The following GPR20 variants were observed in gnomAD, a reference collection of about 807,000 sequenced individuals.
The protein encoded by GPR20 is CTD-3064M3.3.
For missense variants in GPR20, 494 were observed against 527.4 expected (o/e 0.94, Z 0.62); for synonymous variants, 241 against 241.9 (o/e 1.00, Z 0.04).
At chr8:141,358,049 A>G in intron 1 of GPR20, 102 bp from the exon 2 acceptor site, 1 of 628,742 alleles carries the variant, frequency 1.6e-6, no homozygotes, top group East Asian at 2.8e-5. Context: ...CACGCCCAGC[A>G]TCCCCCTTCT....
At chr8:141,363,773 C>T (rs1286102103) in intron 1 of GPR20, among the ~76,000 whole-genome samples, 1 of 152,254 alleles carries the variant, frequency 6.6e-6, no homozygotes, top group Non-Finnish European at 1.5e-5. Flanking sequence ...CTCTTGGCTG[C>T]CCAGCAGCCT....
intron 1 of GPR20, among the ~76,000 whole-genome samples, chr8:141,364,458 A>G (rs1831785021): frequency 6.6e-6 from 1 of 152,034 alleles, no homozygotes; most frequent in Admixed American, 6.5e-5. Context: ...AAATGGGGTC[A>G]GACTCACCCC....
intron 1 of GPR20, among the ~76,000 whole-genome samples, chr8:141,361,918 C>T (rs1172329307): frequency 1.3e-5 from 2 of 152,314 alleles, no homozygotes; most frequent in African/African-American, 2.4e-5. Flanking sequence ...TTCAAGGCTT[C>T]GCTGAGCTCC....
At chr8:141,366,975 C>T (rs911323471) in intron 1 of GPR20, among the ~76,000 whole-genome samples, 8 of 152,254 alleles carry the variant, frequency 5.3e-5, no homozygotes, top group Admixed American at 2.0e-4. Context: ...AACTCACGCC[C>T]ATGTTCTCCC....
chr8:141,366,879 T>A (rs1347545164), intron 1 of GPR20, among the ~76,000 whole-genome samples: 1 of 152,182 alleles, frequency 6.6e-6, no homozygotes, highest in Non-Finnish European at 1.5e-5. Context: ...CGGTGAGTGT[T>A]GAACGGAGGG....
At position 141,356,772 on chromosome 8, in the gene GPR20, C is replaced by A; in HGVS notation, c.*75G>T. ...CAATCGAGATGGAACCGATTGCCAC[C>A]CCTGGCATGGTGGGTGTCCACGCTG... On this transcript the variant is annotated 3_prime_UTR_variant, in exon 2 of 2. Transcript: ENST00000377741. 9.4e-7 allele frequency: 1 copy of A among 1,067,362 alleles called. No individual in the cohort carries two copies. The highest frequency in any genetic ancestry group is 1.4e-6 in the Non-Finnish European group (1 of 734,680). The allele number at this position is 1,067,362 out of a possible 1,614,324, so 66.1% of individuals were successfully genotyped here.
intron 1 of GPR20, among the ~76,000 whole-genome samples, chr8:141,366,293 G>T (rs113193609): frequency 6.6e-6 from 1 of 152,186 alleles, no homozygotes; most frequent in African/African-American, 2.4e-5. Flanking sequence ...GTCCTGGGGG[G>T]AGAGGGGAGG....
intron 1 of GPR20, among the ~76,000 whole-genome samples, chr8:141,358,972 C>T (rs761405970): frequency 2.0e-5 from 3 of 152,120 alleles, no homozygotes; most frequent in Admixed American, 1.3e-4. Flanking sequence ...CCTGCCCTGG[C>T]GTGTTTAACT....
In GPR20 at chr8:141,356,862, A is replaced by G. The variant is rs1586507587; in HGVS notation, c.1062T>C (p.Asn354=). The change falls in exon 2 of 2, where the codon AAT becomes AAC. Residue 354 remains asparagine (N), a synonymous_variant. Coordinates refer to ENST00000377741, the MANE Select transcript of GPR20 (RefSeq NM_005293.3). ...GCCCTGCTGACTAAGCCTCGGGCCC[A>G]TTAGCCAGGGCCTGGGTGAGGGCGT... ...GPHALTQALA[N]GPEA The G allele has an allele frequency of 6.3e-7, 1 of 1,596,924 alleles. No homozygotes were observed. The highest frequency in any genetic ancestry group is 8.6e-7 in the Non-Finnish European group (1 of 1,168,514).
In GPR20 at chr8:141,357,372, C is replaced by T. The variant is rs368723756; in HGVS notation, c.552G>A (p.Ser184=). ...GCCGGCTGCCTGTCACGCCCAGCAC[C>T]GACAGGGTGACGGCACCGGCGGCCA... The part of the protein sequence containing the change: ...VWLAAGAVTL[S]VLGVTGSRPC... The change falls in exon 2 of 2, where the codon TCG becomes TCA. Residue 184 remains serine (S), a synonymous_variant. Transcript: ENST00000377741. 29 of 1,567,072 alleles carry T rather than the reference C, an allele frequency of 1.9e-5. No individual in the cohort carries two copies. The highest frequency in any genetic ancestry group is 1.4e-4 in the African/African-American group (10 of 74,020).
At chr8:141,359,391 A>G (rs1831700302) in intron 1 of GPR20, among the ~76,000 whole-genome samples, 1 of 152,214 alleles carries the variant, frequency 6.6e-6, no homozygotes, top group African/African-American at 2.4e-5. Context: ...CCTCAGAGTC[A>G]GAGAGGTCAG....
At chr8:141,366,427 C>T (rs1831814569) in intron 1 of GPR20, among the ~76,000 whole-genome samples, 1 of 152,214 alleles carries the variant, frequency 6.6e-6, no homozygotes, top group African/African-American at 2.4e-5. Context: ...CCCGCCAGCA[C>T]CCTGGCTGCT....
rs779405247 is a variant in GPR20, at chr8:141,357,770, G to A, written c.154C>T (p.Leu52=). ...DEELHGTFPG[L]WLALMAVHGA... ...TGCACCGCCATCAGCGCCAGCCACA[G>A]GCCTGGGAAGGTGCCATGCAGCTCC... Residue 52 remains leucine (L), a synonymous_variant, in exon 2 of 2, where the codon CTG becomes TTG. Transcript: ENST00000377741. 7.4e-6 allele frequency: 12 copies of A among 1,613,354 alleles called. No individual in the cohort carries two copies. In the South Asian group the frequency reaches 8.8e-5, roughly 12 times the overall value.
Position 141,356,776 on chromosome 8 carries a change from G to A in GPR20, c.*71C>T, listed in dbSNP as rs745822711. On this transcript the variant is annotated 3_prime_UTR_variant, in exon 2 of 2. Transcript: ENST00000377741. ...CGAGATGGAACCGATTGCCACCCCTGGCATGGTGGGTGTCCACGCTGGCAT... is the reference window on the plus strand; with the variant it reads ...CGAGATGGAACCGATTGCCACCCCTAGCATGGTGGGTGTCCACGCTGGCAT... 124 of 1,103,536 alleles carry A rather than the reference G, an allele frequency of 1.1e-4. No homozygotes were observed. Among genetic ancestry groups the A allele is most frequent in the Non-Finnish European group, 1.4e-4 (110 of 766,380 alleles). 68.4% of individuals were successfully genotyped at this position (1,103,536 alleles called of 1,614,324 possible). A position where few individuals can be genotyped will look rare whatever the true frequency, so the allele number is the denominator to read the frequency against.
chr8:141,363,914 C>T (rs952252953), intron 1 of GPR20, among the ~76,000 whole-genome samples: 5 of 152,244 alleles, frequency 3.3e-5, no homozygotes, highest in African/African-American at 2.4e-5. Flanking sequence ...TGTCTGTGGA[C>T]GTGTGGAGGA....
intron 1 of GPR20, among the ~76,000 whole-genome samples, chr8:141,363,016 C>G (rs6578166): frequency 0.3 from 46,004 of 152,072 alleles, 7,715 homozygotes; most frequent in East Asian, 0.47. Flanking sequence ...GCCTCCCAAA[C>G]TACTGGGATT....
chr8:141,365,219 A>G (rs1831796944), intron 1 of GPR20, among the ~76,000 whole-genome samples: 1 of 152,086 alleles, frequency 6.6e-6, no homozygotes, highest in Admixed American at 6.5e-5. Flanking sequence ...TGATCCCACA[A>G]TCTGAAGGGC....
At chr8:141,360,557 G>A (rs1463834556) in intron 1 of GPR20, among the ~76,000 whole-genome samples, 1 of 152,210 alleles carries the variant, frequency 6.6e-6, no homozygotes, top group Non-Finnish European at 1.5e-5. Flanking sequence ...CGATTATTAC[G>A]GGGCCTCTCT....
At position 141,357,001 on chromosome 8, in the gene GPR20, A is replaced by G; in HGVS notation, c.923T>C (p.Val308Ala). 6.2e-7 allele frequency: 1 copy of G among 1,613,084 alleles called. No individual in the cohort carries two copies. The highest frequency in any genetic ancestry group is 1.1e-5 in the South Asian group (1 of 91,086). Residue 308 changes from valine (V) to alanine (A), a missense_variant, in exon 2 of 2, where the codon GTC (valine) becomes GCC (alanine). Physicochemically the swap from Val to Ala is moderately conservative, Grantham distance 64. Transcript: ENST00000377741. ...CFVTSGFQATVRGLFGQHGER... is the reference protein window; with the variant it reads ...CFVTSGFQATARGLFGQHGER... ...TCCGTGCTGGCCGAAGAGGCCTCGG[A>G]CGGTGGCCTGGAAGCCACTGGTGAC...
Sources: gnomAD v4.1 joint callset for allele counts (sites outside exome capture counted in the v4.1 genomes callset) on GRCh38, gnomAD v4.1.1 for gene constraint, MANE v1.5 for transcripts, NCBI Gene and HGNC (gene_info 2026-07-23, HGNC 2026-07-21) for gene names.